The following MTX3 variants were observed in gnomAD, a reference collection of about 807,000 sequenced individuals.
MTX3 encodes metaxin 3, also known as metaxin-3.
MTX3 carries 27 observed loss-of-function variants against 42.5 expected under a neutral mutation model. The observed-to-expected ratio is 0.64, with a 90% confidence interval of 0.47 to 0.88. The LOEUF is 0.88. Ranked by LOEUF, MTX3 falls within the 40% of genes least tolerant of loss-of-function variation. The pLI, the probability that MTX3 is intolerant of heterozygous loss-of-function variation, is 0.00. For synonymous variants in MTX3, 144 were observed against 132.9 expected (o/e 1.08, Z -0.57); for missense variants, 378 against 367.0 (o/e 1.03, Z -0.25).
rs571516047 is a variant in MTX3, at chr5:79,990,952, C to A, written c.81+206G>T. On this transcript the variant is annotated intron_variant, in intron 1 of 8. Transcript: ENST00000512528. ...GAGGCGGACAAAACTCGGAGCCAAG[C>A]GGAGAAGCCTTGATGTCGCCGCCGG... 1.7e-5 allele frequency: 12 copies of A among 719,898 alleles called. No homozygotes were observed. In the South Asian group the frequency reaches 1.8e-4, roughly 11 times the overall value. The allele number at this position is 719,898 out of a possible 1,614,324, so 44.6% of individuals were successfully genotyped here.
At chr5:79,985,705 A>T (rs1831473872) in intron 7 of MTX3, 46 bp from the exon 8 acceptor site, 2 of 1,357,768 alleles carry the variant, frequency 1.5e-6, no homozygotes, top group South Asian at 2.5e-5. Context: ...AAATTTTTAA[A>T]GCCTTTAAAG....
chr5:79,985,676 G>A lies in MTX3; in HGVS notation c.740-17C>T, dbSNP rs540102005. On this transcript the variant is annotated splice_polypyrimidine_tract_variant and intron_variant, in intron 7 of 8. Transcript: ENST00000512528. Reference sequence around the variant, plus strand: ...GAGAGATGCCTAAGAAGCCAGGACAGAAATCAGAGAAAGACAGGAAATTTT... The same window carrying A: ...GAGAGATGCCTAAGAAGCCAGGACAAAAATCAGAGAAAGACAGGAAATTTT... 411 of 1,575,000 alleles carry A rather than the reference G, an allele frequency of 2.6e-4. 7 individuals are homozygous for A. The South Asian group carries it at 3.7e-3, about 14-fold the overall frequency.
At position 79,988,314 on chromosome 5, in the gene MTX3, A is replaced by G. The variant is rs994808609; in HGVS notation, c.506T>C (p.Ile169Thr). Residue 169 changes from isoleucine to threonine, a missense_variant and splice_region_variant, in exon 6 of 9, where the codon ATA becomes ACA. Coordinates refer to ENST00000512528, the MANE Select transcript of MTX3 (RefSeq NM_001363818.2). ...TAGGCACTCCTTGGCATCTCTGTATATCTAATAAGGATGAAATTATATCTC... is the reference window on the plus strand; with the variant it reads ...TAGGCACTCCTTGGCATCTCTGTATGTCTAATAAGGATGAAATTATATCTC... ...LYHLREVEAQ[I>T]YRDAKECLNL... The G allele has an allele frequency of 6.5e-7, 1 of 1,544,884 alleles. No individual in the cohort carries two copies. Among genetic ancestry groups the G allele is most frequent in the Non-Finnish European group, 8.8e-7 (1 of 1,136,852 alleles).
At chr5:79,987,487 A>G (rs889439531) in intron 6 of MTX3, among the ~76,000 whole-genome samples, 5 of 151,788 alleles carry the variant, frequency 3.3e-5, no homozygotes, top group African/African-American at 1.2e-4. Context: ...TTTTAAGCAC[A>G]TAAGAAAATA....
chr5:79,981,461 GAAT>G lies in MTX3; in HGVS notation c.*2220_*2222del, dbSNP rs1261309914. 3.9e-5 allele frequency: 6 copies of G among 152,070 alleles called. No homozygotes were observed. Among genetic ancestry groups the G allele is most frequent in the East Asian group, 1.9e-4 (1 of 5,200 alleles). The allele number at this position is 152,070 out of a possible 1,614,324, so 9.4% of individuals were successfully genotyped here. A position where few individuals can be genotyped will look rare whatever the true frequency, so the allele number is the denominator to read the frequency against. On this transcript the variant is annotated 3_prime_UTR_variant, in exon 9 of 9. Coordinates refer to ENST00000512528, the MANE Select transcript of MTX3 (RefSeq NM_001363818.2). ...GACAGTCATTCCCTCTACTAAAAAA[GAAT>G]AATACTTGTTATTCTAAAATGACCT...
rs1313385956 is a variant in MTX3 at position 79,991,152 on chromosome 5, C to T, written c.81+6G>A. The T allele has an allele frequency of 1.3e-6, 2 of 1,543,522 alleles. No homozygotes were observed. Among genetic ancestry groups the T allele is most frequent in the Admixed American group, 2.0e-5 (1 of 50,528 alleles). ...TCCTGCGCCCTGGCCCGCGAGGCGG[C>T]CTCACCATCACCACCAGGGACTCGC... On this transcript the variant is annotated splice_donor_region_variant and intron_variant, in intron 1 of 8. Transcript: ENST00000512528.
chr5:79,990,354 C>T (rs1312627241), intron 2 of MTX3, 118 bp from the exon 3 acceptor site: 6 of 766,994 alleles, frequency 7.8e-6, no homozygotes, highest in Non-Finnish European at 1.2e-5. Flanking sequence ...GTAAGCTTGT[C>T]TTGGTTTTTT....
At chr5:79,988,378 G>A in intron 5 of MTX3, 63 bp from the exon 6 acceptor site, 1 of 1,507,418 alleles carries the variant, frequency 6.6e-7, no homozygotes, top group East Asian at 2.3e-5. Flanking sequence ...TTTTGAGGAA[G>A]GCATCTCTAG....
rs1295540653 is a variant in MTX3, at chr5:79,982,709, C to G, written c.*975G>C. 4.4e-6 allele frequency: 1 copy of G among 226,942 alleles called. No individual in the cohort carries two copies. 14.1% of individuals were successfully genotyped at this position (226,942 alleles called of 1,614,324 possible). On this transcript the variant is annotated 3_prime_UTR_variant, in exon 9 of 9. Transcript: ENST00000512528. ...TTGGTTGTCAGAAAGCTTTTGACTACATGATATGCATCTTATGAAAGAATA... is the reference window on the plus strand; with the variant it reads ...TTGGTTGTCAGAAAGCTTTTGACTAGATGATATGCATCTTATGAAAGAATA...
rs904943308 is a variant in MTX3 at position 79,979,515 on chromosome 5, C to G, written c.*4169G>C. The G allele has an allele frequency of 6.6e-6, 1 of 152,178 alleles. No homozygotes were observed. Among genetic ancestry groups the G allele is most frequent in the Non-Finnish European group, 1.5e-5 (1 of 68,030 alleles). The allele number at this position is 152,178 out of a possible 1,614,324, so 9.4% of individuals were successfully genotyped here. On this transcript the variant is annotated 3_prime_UTR_variant, in exon 9 of 9. Transcript: ENST00000512528. The stretch of plus-strand genomic sequence containing the variant: ...AAAAATAGCCAAATCAAGACAAAGA[C>G]AATTACAGCTTAAAACGAAAAGCTA...
chr5:79,991,189 G>A lies in MTX3; in HGVS notation c.50C>T (p.Pro17Leu). ...LSCWGGGWGLPSVHSESLVVM... is the reference protein window; with the variant it reads ...LSCWGGGWGLLSVHSESLVVM... The stretch of plus-strand genomic sequence containing the variant: ...CACCAGGGACTCGCTGTGAACCGAT[G>A]GGAGTCCCCAGCCGCCTCCCCAGCA... The change falls in exon 1 of 9, where the codon CCA becomes CTA. Residue 17 changes from proline to leucine, a missense_variant. By Grantham distance (98) the Pro-to-Leu change is moderately conservative. Transcript: ENST00000512528. The A allele has an allele frequency of 2.0e-6, 3 of 1,501,392 alleles. No homozygotes were observed. Among genetic ancestry groups the A allele is most frequent in the Non-Finnish European group, 2.7e-6 (3 of 1,118,678 alleles). 93.0% of individuals were successfully genotyped at this position (1,501,392 alleles called of 1,614,324 possible). A position where few individuals can be genotyped will look rare whatever the true frequency, so the allele number is the denominator to read the frequency against.
At position 79,979,303 on chromosome 5, in the gene MTX3, C is replaced by T. The variant is rs540710128; in HGVS notation, c.*4381G>A. 6.6e-6 allele frequency: 1 copy of T among 152,250 alleles called. No homozygotes were observed. Among genetic ancestry groups the T allele is most frequent in the South Asian group, 2.1e-4 (1 of 4,820 alleles). 9.4% of individuals were successfully genotyped at this position (152,250 alleles called of 1,614,324 possible). A position where few individuals can be genotyped will look rare whatever the true frequency, so the allele number is the denominator to read the frequency against. On this transcript the variant is annotated 3_prime_UTR_variant, in exon 9 of 9. Transcript: ENST00000512528. ...GAGGATAATGGGCTTACTGACCTGACCTTTGATTTCACGTAACTAACAACA... is the reference window on the plus strand; with the variant it reads ...GAGGATAATGGGCTTACTGACCTGATCTTTGATTTCACGTAACTAACAACA...
chr5:79,981,486 A>C lies in MTX3; in HGVS notation c.*2198T>G, dbSNP rs1195592146. The C allele has an allele frequency of 6.6e-6, 1 of 152,064 alleles. No homozygotes were observed. Among genetic ancestry groups the C allele is most frequent in the African/African-American group, 2.4e-5 (1 of 41,404 alleles). 9.4% of individuals were successfully genotyped at this position (152,064 alleles called of 1,614,324 possible). A position where few individuals can be genotyped will look rare whatever the true frequency, so the allele number is the denominator to read the frequency against. ...GAATAATACTTGTTATTCTAAAATG[A>C]CCTCTTTTGATTAAAATTTCAGTTC... On this transcript the variant is annotated 3_prime_UTR_variant, in exon 9 of 9. Coordinates refer to ENST00000512528, the MANE Select transcript of MTX3 (RefSeq NM_001363818.2).
intron 7 of MTX3, 56 bp from the exon 8 acceptor site, chr5:79,985,715 G>T: frequency 1.5e-6 from 2 of 1,291,920 alleles, no homozygotes; most frequent in Non-Finnish European, 2.2e-6. Flanking sequence ...AGCCTTTAAA[G>T]CTATTTAGAT....
Position 79,990,206 on chromosome 5 carries a change from T to G in MTX3, c.182A>C (p.Asp61Ala). The G allele has an allele frequency of 6.2e-7, 1 of 1,610,144 alleles. No individual in the cohort carries two copies. The highest frequency in any genetic ancestry group is 8.5e-7 in the Non-Finnish European group (1 of 1,178,264). Residue 61 changes from aspartate (D) to alanine (A), a missense_variant, in exon 3 of 9, where the codon GAC becomes GCC. Asp to Ala is a moderately radical substitution (Grantham distance 126, BLOSUM62 -2). Transcript: ENST00000512528. Reference protein sequence around the residue: ...GDVPILTTEDDMVSQPAKILN... With the variant: ...GDVPILTTEDAMVSQPAKILN... Reference sequence around the variant, plus strand: ...TATTTTTGCTGGCTGAGAAACCATGTCGTCTTCAGTTGTCAAAATTGGTAC... The same window carrying G: ...TATTTTTGCTGGCTGAGAAACCATGGCGTCTTCAGTTGTCAAAATTGGTAC...
chr5:79,983,710 T>C lies in MTX3; in HGVS notation c.913A>G (p.Asn305Asp). The C allele has an allele frequency of 1.2e-6, 2 of 1,613,894 alleles. No individual in the cohort carries two copies. The highest frequency in any genetic ancestry group is 1.7e-6 in the Non-Finnish European group (2 of 1,179,768). The change falls in exon 9 of 9, where the codon AAT (asparagine) becomes GAT (aspartate). Residue 305 changes from asparagine (N) to aspartate (D), a missense_variant. Asn to Asp is a conservative substitution (Grantham distance 23). Coordinates refer to ENST00000512528, the MANE Select transcript of MTX3 (RefSeq NM_001363818.2). ...LKLTPAEEENNSFQRLSP is the reference protein window; with the variant it reads ...LKLTPAEEENDSFQRLSP ...CAGGGCGAAAGCCGTTGGAAGGAATTATTTTCTTCTTCTGCTGGAGTCAAT... is the reference window on the plus strand; with the variant it reads ...CAGGGCGAAAGCCGTTGGAAGGAATCATTTTCTTCTTCTGCTGGAGTCAAT...
At chr5:79,985,718 A>G in intron 7 of MTX3, 59 bp from the exon 8 acceptor site, 1 of 1,249,146 alleles carries the variant, frequency 8.0e-7, no homozygotes, top group Non-Finnish European at 1.1e-6. Flanking sequence ...CTTTAAAGCT[A>G]TTTAGATTGA....
intron 8 of MTX3, among the ~76,000 whole-genome samples, chr5:79,984,294 T>C (rs1831440738): frequency 6.6e-6 from 1 of 152,222 alleles, no homozygotes; most frequent in Non-Finnish European, 1.5e-5. Flanking sequence ...AGCTGAAACT[T>C]GAACCCAGGT....
At position 79,982,774 on chromosome 5, in the gene MTX3, T is replaced by C; in HGVS notation, c.*910A>G. 1 of 198,066 alleles carries C rather than the reference T, an allele frequency of 5.0e-6. No homozygotes were observed. The highest frequency in any genetic ancestry group is 1.0e-5 in the Non-Finnish European group (1 of 95,848). The allele number at this position is 198,066 out of a possible 1,614,324, so 12.3% of individuals were successfully genotyped here. A position where few individuals can be genotyped will look rare whatever the true frequency, so the allele number is the denominator to read the frequency against. On this transcript the variant is annotated 3_prime_UTR_variant, in exon 9 of 9. Coordinates refer to ENST00000512528, the MANE Select transcript of MTX3 (RefSeq NM_001363818.2). ...GAATATGAGCCAAGCATAGAAAACT[T>C]GGACCAGATGCACAGTATTTCTACT...
Sources: gnomAD v4.1 joint callset for allele counts (sites outside exome capture counted in the v4.1 genomes callset) on GRCh38, gnomAD v4.1.1 for gene constraint, MANE v1.5 for transcripts, NCBI Gene and HGNC (gene_info 2026-07-23, HGNC 2026-07-21) for gene names.